The following DLG2 variants were observed in gnomAD, a reference collection of about 807,000 sequenced individuals.
DLG2 encodes the protein disks large homolog 2.
Under a neutral mutation model 132.5 loss-of-function variants are expected in DLG2, and 45 were observed. The ratio of observed to expected loss-of-function variants is 0.34; its 90% CI spans 0.27 to 0.44. The LOEUF is 0.44. DLG2 is among the 20% of genes least tolerant of loss of function. The probability of loss-of-function intolerance (pLI) is 1.00; values close to 1 mark genes in which losing one functional copy is unlikely to be tolerated. For missense variants in DLG2, 1,045 were observed against 1,196.9 expected (o/e 0.87, Z 1.87); for synonymous variants, 424 against 419.6 (o/e 1.01, Z -0.13).
chr11:84,226,898 C>T (rs984578943), intron 8 of DLG2, among the ~76,000 whole-genome samples: 6 of 151,792 alleles, frequency 4.0e-5, no homozygotes, highest in African/African-American at 1.5e-4. Context: ...CCATCCTGGC[C>T]AACATGGTGA....
intron 3 of DLG2, among the ~76,000 whole-genome samples, chr11:85,428,727 C>T (rs1333759056): frequency 6.6e-6 from 1 of 152,030 alleles, no homozygotes. Context: ...ACTAGAGAAG[C>T]AAGAGCAAAC....
At chr11:83,756,476 G>A (rs916477320) in intron 18 of DLG2, among the ~76,000 whole-genome samples, 27 of 151,450 alleles carry the variant, frequency 1.8e-4, no homozygotes, top group Non-Finnish European at 5.9e-5. Flanking sequence ...GAAGAGAAGC[G>A]TAGTAGTTTC....
intron 3 of DLG2, among the ~76,000 whole-genome samples, chr11:85,367,457 C>T (rs286047): frequency 0.76 from 115,759 of 152,072 alleles, 44,696 homozygotes; most frequent in Middle Eastern, 0.85. Context: ...ATGTAGTATC[C>T]ACCACACAGT....
At chr11:85,051,555 T>C (rs2062892415) in intron 6 of DLG2, among the ~76,000 whole-genome samples, 1 of 152,194 alleles carries the variant, frequency 6.6e-6, no homozygotes, top group South Asian at 2.1e-4. Flanking sequence ...TCTGCTCTTG[T>C]GCTAGCAGAG....
At chr11:84,584,276 TG>T (rs1255784331) in intron 6 of DLG2, among the ~76,000 whole-genome samples, 1 of 152,178 alleles carries the variant, frequency 6.6e-6, no homozygotes, top group Non-Finnish European at 1.5e-5. Flanking sequence ...TCTGGCATTT[TG>T]TTATACTATA....
chr11:84,821,309 C>T (rs563439491), intron 6 of DLG2, among the ~76,000 whole-genome samples: 47 of 151,736 alleles, frequency 3.1e-4, no homozygotes, highest in African/African-American at 1.1e-3. Context: ...GGCCAAAAAA[C>T]TTTATGAAAC....
chr11:85,048,633 G>A (rs568641), intron 6 of DLG2, among the ~76,000 whole-genome samples: 107,144 of 151,850 alleles, frequency 0.71, 38,987 homozygotes, highest in East Asian at 0.94. Context: ...TTATTTAGTT[G>A]AGCGATTCAA....
At chr11:83,914,731 G>A (rs1028195577) in intron 15 of DLG2, among the ~76,000 whole-genome samples, 1 of 152,120 alleles carries the variant, frequency 6.6e-6, no homozygotes, top group South Asian at 2.1e-4. Context: ...CACTGTTGAT[G>A]GTCATTAGAC....
intron 18 of DLG2, among the ~76,000 whole-genome samples, chr11:83,776,899 G>C (rs574309330): frequency 1.1e-3 from 171 of 152,290 alleles, no homozygotes; most frequent in African/African-American, 3.9e-3. Context: ...GTCTGGTTTA[G>C]TATTCTCTGA....
intron 16 of DLG2, among the ~76,000 whole-genome samples, chr11:83,845,593 T>C (rs2058461771): frequency 6.6e-6 from 1 of 152,240 alleles, no homozygotes; most frequent in Admixed American, 6.5e-5. Flanking sequence ...AGGGGGGATC[T>C]ATGCATTAAA....
chr11:84,985,677 TG>T (rs1338858881), intron 6 of DLG2, among the ~76,000 whole-genome samples: 1 of 151,454 alleles, frequency 6.6e-6, no homozygotes, highest in African/African-American at 2.4e-5. Context: ...AAAAGATAAA[TG>T]AAACAAAAAG....
At chr11:84,478,820 C>A (rs2099128908) in intron 7 of DLG2, among the ~76,000 whole-genome samples, 1 of 151,928 alleles carries the variant, frequency 6.6e-6, no homozygotes, top group African/African-American at 2.4e-5. Context: ...TAAGCTGAAC[C>A]CAGATTTCCT....
At chr11:84,942,423 G>A (rs78212243) in intron 6 of DLG2, among the ~76,000 whole-genome samples, 15,973 of 151,936 alleles carry the variant, frequency 0.11, 1,048 homozygotes, top group Non-Finnish European at 0.11. Flanking sequence ...GGTATATTCT[G>A]TCTCCATTTT....
intron 6 of DLG2, among the ~76,000 whole-genome samples, chr11:84,908,886 G>A (rs1409965524): frequency 6.6e-6 from 1 of 151,042 alleles, no homozygotes; most frequent in Non-Finnish European, 1.5e-5. Context: ...TTATATGATC[G>A]ACATTAGTAT....
At chr11:84,006,239 G>A (rs1038665136) in intron 11 of DLG2, among the ~76,000 whole-genome samples, 1 of 151,748 alleles carries the variant, frequency 6.6e-6, no homozygotes, top group Non-Finnish European at 1.5e-5. Context: ...GACAATTATT[G>A]CATGTTTTCA....
At chr11:84,669,420 T>C (rs1270417249) in intron 6 of DLG2, among the ~76,000 whole-genome samples, 1 of 152,110 alleles carries the variant, frequency 6.6e-6, no homozygotes, top group African/African-American at 2.4e-5. Context: ...TACCAGACTG[T>C]CTATATTTTG....
chr11:85,450,778 T>C (rs2092210888), intron 3 of DLG2, among the ~76,000 whole-genome samples: 7 of 152,134 alleles, frequency 4.6e-5, no homozygotes, highest in Admixed American at 2.6e-4. Context: ...CTCTCAGAAG[T>C]TTTCGGTGGA....
intron 11 of DLG2, among the ~76,000 whole-genome samples, chr11:84,035,848 C>A (rs1220006868): frequency 1.3e-5 from 2 of 152,078 alleles, no homozygotes; most frequent in Non-Finnish European, 1.5e-5. Flanking sequence ...TGAGGATAGA[C>A]TAACAGGATT....
At chr11:84,788,161 C>T (rs577446095) in intron 6 of DLG2, among the ~76,000 whole-genome samples, 36 of 138,080 alleles carry the variant, frequency 2.6e-4, no homozygotes, top group Admixed American at 4.3e-4. Flanking sequence ...CCACAAGACA[C>T]ATCCAGATAA....
Sources: allele counts gnomAD v4.1 joint callset (sites outside exome capture counted in the v4.1 genomes callset), GRCh38; gene constraint gnomAD v4.1.1; transcripts MANE v1.5; gene names NCBI Gene and HGNC (gene_info 2026-07-23, HGNC 2026-07-21).